The following MTA1 variants were observed in gnomAD, a reference collection of about 807,000 sequenced individuals.
MTA1 encodes the protein metastasis associated 1.
Under a neutral mutation model 97.0 loss-of-function variants are expected in MTA1, and 15 were observed. The ratio of observed to expected loss-of-function variants is 0.15; its 90% CI spans 0.10 to 0.24. MTA1 has a LOEUF of 0.24. MTA1 is among the 10% of genes least tolerant of loss of function. The pLI is 1.00. For synonymous variants in MTA1, 435 were observed against 417.5 expected (o/e 1.04, Z -0.51); for missense variants, 709 against 1,015.1 (o/e 0.70, Z 4.10).
intron 18 of MTA1, chr14:105,467,353 G>A (rs1443057305): frequency 4.4e-6 from 2 of 452,066 alleles, no homozygotes; most frequent in East Asian, 7.0e-5. Context: ...TGTGCCTGGA[G>A]CCCCTTCGCC....
intron 4 of MTA1, among the ~76,000 whole-genome samples, chr14:105,449,695 C>T (rs2082848830): frequency 6.6e-6 from 1 of 152,146 alleles, no homozygotes; most frequent in Non-Finnish European, 1.5e-5. Flanking sequence ...CCCTCGCCCT[C>T]CTGGCCTGGG....
Position 105,463,197 on chromosome 14 carries a change from C to T in MTA1, c.956C>T (p.Ser319Leu), listed in dbSNP as rs1555431463. 2.5e-6 allele frequency: 4 copies of T among 1,611,562 alleles called. No homozygotes were observed. Among genetic ancestry groups the T allele is most frequent in the Non-Finnish European group, 3.4e-6 (4 of 1,179,844 alleles). Residue 319 changes from serine (S) to leucine (L), a missense_variant, in exon 11 of 21, where the codon TCG becomes TTG. Coordinates refer to ENST00000331320, the MANE Select transcript of MTA1 (RefSeq NM_004689.4). The surrounding 1 kb of genome is among the most constrained non-coding windows in gnomAD (Gnocchi z 5.9). ...CCTCCCACCCAGCTCCCGTGGAAGT[C>T]GCTGACCAGCATCATTGAGTACTAC... The part of the protein sequence containing the change: ...DIQQDFLPWK[S>L]LTSIIEYYYM...
chr14:105,470,179 G>GCCC lies in MTA1; in HGVS notation c.2113_2115dup (p.Pro705dup). 1 of 1,608,084 alleles carries GCCC rather than the reference G, an allele frequency of 6.2e-7. No homozygotes were observed. The highest frequency in any genetic ancestry group is 8.5e-7 in the Non-Finnish European group (1 of 1,177,936). ...TGCCGCCGCGGCCACCGCCACCTGC[G>GCCC]CCCGTCAACGACGAGCCCATCGTCA... On this transcript the variant is annotated inframe_insertion, in exon 21 of 21. Transcript: ENST00000331320.
rs1555421671 is a variant in MTA1, at chr14:105,424,200, C to T, written c.28+4137C>T. Among the ~76,000 whole-genome samples, 1 of 152,174 alleles carries T rather than the reference C, an allele frequency of 6.6e-6. No homozygotes were observed. Among genetic ancestry groups the T allele is most frequent in the East Asian group, 1.9e-4 (1 of 5,198 alleles). ...CACTGAGCACTCCTGGCTTGCTCCA[C>T]CTTTGTTTTTTTGAGACGGAGTCTC... On this transcript the variant is annotated intron_variant, in intron 1 of 20. Coordinates refer to ENST00000331320, the MANE Select transcript of MTA1 (RefSeq NM_004689.4). The surrounding 1 kb of genome is among the most constrained non-coding windows in gnomAD (Gnocchi z 4.0).
At chr14:105,438,038 G>A (rs2082386188) in intron 1 of MTA1, among the ~76,000 whole-genome samples, 1 of 152,252 alleles carries the variant, frequency 6.6e-6, no homozygotes, top group African/African-American at 2.4e-5. Flanking sequence ...AGTGCCTGCT[G>A]CCTGTTGCTG....
intron 2 of MTA1, among the ~76,000 whole-genome samples, chr14:105,442,090 C>G (rs2082551530): frequency 6.6e-6 from 1 of 152,144 alleles, no homozygotes; most frequent in East Asian, 1.9e-4. Context: ...CAGTTAATAG[C>G]AGAGAAGGAG....
chr14:105,469,782 G>A, intron 19 of MTA1, 59 bp from the exon 20 acceptor site: 1 of 762,162 alleles, frequency 1.3e-6, no homozygotes, highest in South Asian at 1.7e-5. Flanking sequence ...CGGGAGCCCT[G>A]CAGGTTGAGG....
At chr14:105,433,868 A>T (rs2082252996) in intron 1 of MTA1, among the ~76,000 whole-genome samples, 1 of 152,154 alleles carries the variant, frequency 6.6e-6, no homozygotes, top group African/African-American at 2.4e-5. Flanking sequence ...TTGCTCTGTC[A>T]CCAGGCTGGA....
At chr14:105,457,354 G>A (rs1177044712) in intron 7 of MTA1, among the ~76,000 whole-genome samples, 2 of 152,232 alleles carry the variant, frequency 1.3e-5, no homozygotes, top group Non-Finnish European at 2.9e-5. Context: ...GGCCCTGGCC[G>A]ACTGCAGGCG....
chr14:105,469,708 C>G, intron 19 of MTA1, 133 bp from the exon 20 acceptor site: 2 of 1,363,832 alleles, frequency 1.5e-6, no homozygotes, highest in Non-Finnish European at 2.0e-6. Flanking sequence ...TGCCCTGGGC[C>G]AGGCTGGGGG....
In MTA1 at chr14:105,464,135, G is replaced by A. The variant is rs1239264049; in HGVS notation, c.1180G>A (p.Glu394Lys). Residue 394 changes from glutamate (E) to lysine (K), a missense_variant, in exon 13 of 21, where the codon GAG becomes AAG. By Grantham distance (56) the Glu-to-Lys change is moderately conservative. Transcript: ENST00000331320. Reference protein sequence around the residue: ...GQSPGAGRACESCYTTQSYQW... With the variant: ...GQSPGAGRACKSCYTTQSYQW... ...GAGCCCTGGGGCTGGCCGGGCCTGC[G>A]AGAGCTGTTACAGTAAGTGCCCTGG... The A allele has an allele frequency of 5.0e-6, 8 of 1,610,092 alleles. No homozygotes were observed. Among genetic ancestry groups the A allele is most frequent in the Non-Finnish European group, 5.9e-6 (7 of 1,179,128 alleles).
chr14:105,446,687 C>T (rs1195702523), intron 3 of MTA1, among the ~76,000 whole-genome samples: 1 of 152,192 alleles, frequency 6.6e-6, no homozygotes, highest in Admixed American at 6.5e-5. Context: ...CCCTTAACCC[C>T]ACTGCCTTGC....
chr14:105,460,272 G>A (rs368720506), intron 8 of MTA1, 86 bp from the exon 9 acceptor site: 35 of 1,095,062 alleles, frequency 3.2e-5, no homozygotes, highest in African/African-American at 2.0e-4. Context: ...GCCCGTGGCC[G>A]CTGGTCCCTG....
intron 2 of MTA1, among the ~76,000 whole-genome samples, chr14:105,441,768 T>TG (rs1181158203): frequency 2.0e-5 from 3 of 152,098 alleles, no homozygotes; most frequent in South Asian, 2.1e-4. Context: ...CACTCCAGCC[T>TG]GGGCGACAGA....
chr14:105,449,086 A>AG (rs2082822072), intron 3 of MTA1: 2 of 440,070 alleles, frequency 4.5e-6, no homozygotes, highest in Non-Finnish European at 4.1e-6. Flanking sequence ...GAGTGGGGGC[A>AG]GGGGTGGCCT....
chr14:105,438,459 G>A (rs2082397417), intron 1 of MTA1, among the ~76,000 whole-genome samples: 1 of 152,176 alleles, frequency 6.6e-6, no homozygotes, highest in East Asian at 1.9e-4. Flanking sequence ...GCATCTCCCT[G>A]TCCCTGACCC....
intron 6 of MTA1, among the ~76,000 whole-genome samples, chr14:105,450,657 A>G (rs1413413272): frequency 6.6e-6 from 1 of 152,072 alleles, no homozygotes; most frequent in Non-Finnish European, 1.5e-5. Flanking sequence ...TCTTCGCAGG[A>G]GTCTTGGCTG....
chr14:105,436,526 C>G (rs1045242034), intron 1 of MTA1, among the ~76,000 whole-genome samples: 2 of 152,220 alleles, frequency 1.3e-5, no homozygotes, highest in Admixed American at 6.5e-5. Context: ...TCTTCCACAT[C>G]TTGGTTTTCC....
chr14:105,445,213 C>T (rs905674298), intron 2 of MTA1, among the ~76,000 whole-genome samples: 2 of 152,226 alleles, frequency 1.3e-5, no homozygotes, highest in Admixed American at 1.3e-4. Context: ...TGCACACGCC[C>T]GCCTTCTCCC....
Sources: gnomAD v4.1 joint callset for allele counts (sites outside exome capture counted in the v4.1 genomes callset) on GRCh38, gnomAD v4.1.1 for gene constraint, Gnocchi (gnomAD v3.1) non-coding constraint, MANE v1.5 for transcripts, NCBI Gene and HGNC (gene_info 2026-07-23, HGNC 2026-07-21) for gene names.